Variants in RGSL1 observed in about 807,000 individuals in gnomAD.
RGSL1 encodes regulator of G protein signaling like 1.
A neutral mutation model predicts 124.7 loss-of-function variants in RGSL1; 97 were observed. That is an observed-to-expected ratio of 0.78 (90% CI 0.66 to 0.92). The LOEUF (loss-of-function observed/expected upper bound fraction) is 0.92, where lower values mean the gene tolerates loss of function less well. Ranked by LOEUF, RGSL1 falls within the 40% of genes least tolerant of loss-of-function variation. The probability of loss-of-function intolerance (pLI) is 0.00; values close to 1 mark genes in which losing one functional copy is unlikely to be tolerated. For missense variants in RGSL1, 1,233 were observed against 1,288.4 expected (o/e 0.96, Z 0.66); for synonymous variants, 424 against 438.1 (o/e 0.97, Z 0.40).
chr1:182,460,164 G>C (rs945318692), intron 4 of RGSL1, 31 bp downstream of exon 4: 71 of 977,122 alleles, frequency 7.3e-5, no homozygotes, highest in Non-Finnish European at 9.1e-5. Flanking sequence ...GTGTGTCTGT[G>C]TGTGTGTGTG....
intron 10 of RGSL1, among the ~76,000 whole-genome samples, chr1:182,523,731 A>T (rs189994443): frequency 1.7e-4 from 26 of 152,220 alleles, no homozygotes; most frequent in Admixed American, 9.2e-4. Context: ...TATTGATTAT[A>T]TACTGTATTC....
chr1:182,448,040 T>G (rs1188929433), upstream of RGSL1: 1 of 151,670 alleles, frequency 6.6e-6, no homozygotes, highest in Non-Finnish European at 1.5e-5. Context: ...TTACGGTGAA[T>G]ATTCTTCTTA....
intron 14 of RGSL1, among the ~76,000 whole-genome samples, chr1:182,536,767 C>G (rs1020886534): frequency 6.6e-6 from 1 of 151,842 alleles, no homozygotes; most frequent in Non-Finnish European, 1.5e-5. Context: ...TAGGGAAACT[C>G]CCCTTTTTAA....
In RGSL1 at chr1:182,460,156, GTGTC is replaced by G. The variant is rs913808132; in HGVS notation, c.301+27_301+30del. The G allele has an allele frequency of 1.5e-5, 22 of 1,491,056 alleles. 1 individual carries two copies. The highest frequency in any genetic ancestry group is 1.3e-4 in the East Asian group (5 of 37,628). The allele number at this position is 1,491,056 out of a possible 1,614,324, so 92.4% of individuals were successfully genotyped here. A position where few individuals can be genotyped will look rare whatever the true frequency, so the allele number is the denominator to read the frequency against. On this transcript the variant is annotated intron_variant, in intron 4 of 21. Transcript: ENST00000294854. ...GAGGTAAGCATTGGTGTGCATGCGT[GTGTC>G]TGTGTGTGTGTGTGTGTGTGTGTGT...
At chr1:182,525,082 G>A (rs890923368) in intron 10 of RGSL1, among the ~76,000 whole-genome samples, 11 of 152,084 alleles carry the variant, frequency 7.2e-5, no homozygotes, top group Admixed American at 2.6e-4. Flanking sequence ...GAACTAGCCC[G>A]ATAAGTCATT....
chr1:182,551,251 A>G (rs1660544681), intron 18 of RGSL1, 42 bp downstream of exon 18: 1 of 1,473,176 alleles, frequency 6.8e-7, no homozygotes, highest in Non-Finnish European at 9.3e-7. Flanking sequence ...TCCAGCAACC[A>G]AGACTTGTGA....
upstream of RGSL1, chr1:182,449,310 T>G (rs1358901780): frequency 6.6e-6 from 1 of 152,218 alleles, no homozygotes; most frequent in African/African-American, 2.4e-5. Context: ...GTAAGTGATA[T>G]TGTATTGACG....
chr1:182,510,263 T>C (rs1196603214), intron 9 of RGSL1, among the ~76,000 whole-genome samples: 1 of 34,790 alleles, frequency 2.9e-5, no homozygotes, highest in Non-Finnish European at 6.5e-5. Flanking sequence ...CACTCCTCAC[T>C]TCCCAGACGG....
chr1:182,460,051 A>G lies in RGSL1; in HGVS notation c.219A>G (p.Leu73=). Residue 73 remains leucine, a synonymous_variant, in exon 4 of 22, where the codon TTA becomes TTG. Transcript: ENST00000294854. ...TGACCTGGTTGGAAAAATGCCGATT[A>G]CCTTTCTTCTGTAAAACAAACTTGT... ...GLLTWLEKCR[L]PFFCKTNLCF... is the part of the protein sequence containing the mutation. 6.4e-7 allele frequency: 1 copy of G among 1,551,660 alleles called. No individual in the cohort carries two copies. The highest frequency in any genetic ancestry group is 8.7e-7 in the Non-Finnish European group (1 of 1,146,976).
At chr1:182,497,351 C>G (rs1428156062) in intron 9 of RGSL1, among the ~76,000 whole-genome samples, 2 of 141,670 alleles carry the variant, frequency 1.4e-5, no homozygotes, top group African/African-American at 5.2e-5. Context: ...TTTATATCTC[C>G]TGATATAAAA....
rs976650396 is a variant in RGSL1, at chr1:182,469,864, G to A, written c.302-2532G>A. Among the ~76,000 whole-genome samples, 9 of 152,248 alleles carry A rather than the reference G, an allele frequency of 5.9e-5. No individual in the cohort carries two copies. In the South Asian group the frequency reaches 1.2e-3, roughly 21 times the overall value. On this transcript the variant is annotated intron_variant, in intron 4 of 21. Transcript: ENST00000294854. ...AGGAAATTATGACAGACTACAACAT[G>A]AATAAATCCTGAAGACATGCTAATT... is the stretch of plus-strand genomic sequence containing the variant.
At chr1:182,460,556 C>T in intron 4 of RGSL1, 1 of 437,478 alleles carries the variant, frequency 2.3e-6, no homozygotes, top group Non-Finnish European at 4.6e-6. Context: ...TCCAGAATTT[C>T]TTACCTAGTT....
intron 9 of RGSL1, among the ~76,000 whole-genome samples, chr1:182,500,552 C>T (rs947771317): frequency 2.6e-5 from 4 of 151,654 alleles, no homozygotes; most frequent in Non-Finnish European, 4.4e-5. Context: ...AAATAATCAT[C>T]GGGGTTTGAA....
intron 4 of RGSL1, among the ~76,000 whole-genome samples, chr1:182,468,634 G>A (rs1404865359): frequency 6.6e-6 from 1 of 152,092 alleles, no homozygotes; most frequent in African/African-American, 2.4e-5. Flanking sequence ...GAGGGGGAGG[G>A]ATAGCATTAG....
intron 4 of RGSL1, among the ~76,000 whole-genome samples, chr1:182,470,919 A>G (rs1236457884): frequency 6.6e-6 from 1 of 152,174 alleles, no homozygotes; most frequent in African/African-American, 2.4e-5. Context: ...AAAATGTTGT[A>G]AGAAATCACC....
chr1:182,472,648 C>T, intron 5 of RGSL1, 91 bp downstream of exon 5: 2 of 1,298,674 alleles, frequency 1.5e-6, no homozygotes. Flanking sequence ...TGCAGGAAAC[C>T]CCACCTTCTT....
intron 9 of RGSL1, among the ~76,000 whole-genome samples, chr1:182,494,734 A>G (rs1655793883): frequency 6.6e-6 from 1 of 152,134 alleles, no homozygotes; most frequent in South Asian, 2.1e-4. Context: ...CTGGAAGATG[A>G]TGCCTCATTT....
chr1:182,503,158 T>C (rs1205764270), intron 9 of RGSL1, among the ~76,000 whole-genome samples: 1 of 152,192 alleles, frequency 6.6e-6, no homozygotes, highest in Non-Finnish European at 1.5e-5. Flanking sequence ...CTGCTAGGTA[T>C]ACCCAAAAGA....
At chr1:182,521,250 T>C (rs193184235) in intron 9 of RGSL1, among the ~76,000 whole-genome samples, 27 of 152,300 alleles carry the variant, frequency 1.8e-4, no homozygotes, top group Non-Finnish European at 3.4e-4. Flanking sequence ...TTAAATTTTC[T>C]TGTAGAGATG....
Sources: allele counts gnomAD v4.1 joint callset (sites outside exome capture counted in the v4.1 genomes callset), GRCh38; gene constraint gnomAD v4.1.1; transcripts MANE v1.5; gene names NCBI Gene and HGNC (gene_info 2026-07-23, HGNC 2026-07-21).